Variants in SPTAN1 observed in about 807,000 individuals in gnomAD.
SPTAN1 encodes spectrin alpha, non-erythrocytic 1.
SPTAN1 carries 61 observed loss-of-function variants against 331.3 expected under a neutral mutation model. That is an observed-to-expected ratio of 0.18 (90% CI 0.15 to 0.23). The LOEUF is 0.23. SPTAN1 is among the 10% of genes least tolerant of loss of function. The probability of loss-of-function intolerance (pLI) is 1.00; values close to 1 mark genes in which losing one functional copy is unlikely to be tolerated. For synonymous variants in SPTAN1, 1,153 were observed against 1,173.9 expected, an observed-to-expected ratio of 0.98 and a Z score of 0.36; for missense variants, 2,043 against 3,147.9, an observed-to-expected ratio of 0.65 and a Z score of 8.40.
intron 27 of SPTAN1, among the ~76,000 whole-genome samples, chr9:128,600,926 G>T (rs1380800876): frequency 2.8e-5 from 4 of 141,784 alleles, no homozygotes; most frequent in African/African-American, 1.0e-4. Context: ...GCCTTCCAAA[G>T]TGTTGGGATT....
At chr9:128,633,154 G>A (rs1860093367) in intron 56 of SPTAN1, 55 bp from the exon 57 acceptor site, 7 of 1,612,802 alleles carry the variant, frequency 4.3e-6, no homozygotes, top group East Asian at 2.2e-5. Flanking sequence ...TGGGAGGTCG[G>A]GTTTGAAGTG....
chr9:128,567,454 G>C (rs533390578), intron 2 of SPTAN1, among the ~76,000 whole-genome samples: 1 of 152,234 alleles, frequency 6.6e-6, no homozygotes, highest in South Asian at 2.1e-4. Context: ...ACTGTGCCCA[G>C]CTAATTTTTG....
intron 15 of SPTAN1, 123 bp from the exon 16 acceptor site, chr9:128,583,665 A>T: frequency 1.9e-6 from 2 of 1,045,384 alleles, no homozygotes; most frequent in Non-Finnish European, 1.4e-6. Flanking sequence ...TCTCTTTGTG[A>T]CATAAGTGAA....
chr9:128,586,735 T>C (rs1488163744), intron 19 of SPTAN1, among the ~76,000 whole-genome samples: 3 of 152,186 alleles, frequency 2.0e-5, no homozygotes, highest in African/African-American at 7.2e-5. Context: ...AATTCTCAAA[T>C]TTTATTCATA....
intron 38 of SPTAN1, 38 bp from the exon 39 acceptor site, chr9:128,612,071 T>G: frequency 6.2e-7 from 1 of 1,614,052 alleles, no homozygotes. Flanking sequence ...CGATTCTTCA[T>G]AGATTTCATC....
chr9:128,570,422 C>T lies in SPTAN1; in HGVS notation c.363+1525C>T, dbSNP rs1463981445. 2.7e-5 allele frequency among the ~76,000 whole-genome samples: 4 copies of T among 149,144 alleles called. No homozygotes were observed. The Admixed American group carries it at 2.7e-4, about 10-fold the overall frequency. On this transcript the variant is annotated intron_variant, in intron 3 of 56. Coordinates refer to ENST00000372739, the MANE Select transcript of SPTAN1 (RefSeq NM_001130438.3). ...GCAAGATCTCAGCTCACTGCAACCT[C>T]CACCTCCTGGGTTCAAGCAATTCTC...
Position 128,577,521 on chromosome 9 carries a change from C to G in SPTAN1, c.1085+15C>G. On this transcript the variant is annotated intron_variant, in intron 8 of 56. Transcript: ENST00000372739. This position sits in a 1 kb window ranked among gnomAD's most constrained non-coding sequence, Gnocchi z 4.2. ...GATTCATACAGGTGCAAATAATGCT[C>G]CAGGTCTTAACCAGTATCATTTGGC... The G allele has an allele frequency of 1.9e-6, 3 of 1,613,052 alleles. No homozygotes were observed. The highest frequency in any genetic ancestry group is 2.5e-6 in the Non-Finnish European group (3 of 1,180,034).
At position 128,605,443 on chromosome 9, in the gene SPTAN1, TCCCACGAC is replaced by T; in HGVS notation, c.4014_4021del (p.His1339AlafsTer5). ...TCAGCGCAAGGCAAAGTTGGGTGAC[TCCCACGAC>T]CTGCAGCGCTTCCTTAGCGATTTCC... On this transcript the variant is annotated frameshift_variant, in exon 31 of 57. Transcript: ENST00000372739. LOFTEE classifies it high-confidence loss of function. 1 of 1,614,124 alleles carries T rather than the reference TCCCACGAC, an allele frequency of 6.2e-7. No homozygotes were observed. Among genetic ancestry groups the T allele is most frequent in the Non-Finnish European group, 8.5e-7 (1 of 1,180,032 alleles).
Position 128,624,453 on chromosome 9 carries a change from C to A in SPTAN1, c.5958C>A (p.Phe1986Leu). The part of the protein sequence containing the change: ...KLDENSAFLQ[F>L]NWKADVVESW... ...ATGAGAACTCGGCCTTCCTTCAGTT[C>A]AACTGGAAGGCGGACGTGGTGGAGT... is the stretch of plus-strand genomic sequence containing the variant. Residue 1986 changes from phenylalanine to leucine, a missense_variant, in exon 46 of 57, where the codon TTC becomes TTA. Physicochemically the swap from Phe to Leu is conservative, Grantham distance 22. Coordinates refer to ENST00000372739, the MANE Select transcript of SPTAN1 (RefSeq NM_001130438.3). 6.2e-7 allele frequency: 1 copy of A among 1,613,812 alleles called. No individual in the cohort carries two copies. Among genetic ancestry groups the A allele is most frequent in the South Asian group, 1.1e-5 (1 of 91,064 alleles).
At chr9:128,588,547 G>A (rs1852986821) in intron 20 of SPTAN1, among the ~76,000 whole-genome samples, 1 of 151,696 alleles carries the variant, frequency 6.6e-6, no homozygotes, top group Admixed American at 6.6e-5. Context: ...CCGACCTCAG[G>A]TGATCTGCCT....
intron 1 of SPTAN1, among the ~76,000 whole-genome samples, chr9:128,565,745 A>G (rs896787416): frequency 2.6e-5 from 4 of 152,208 alleles, no homozygotes; most frequent in Non-Finnish European, 4.4e-5. Context: ...GAACTCCCAG[A>G]TGTTTCCAGG....
Position 128,632,678 on chromosome 9 carries a change from C to T in SPTAN1, c.7120C>T (p.Pro2374Ser), listed in dbSNP as rs1238361056. ...LPMVEEGEPD[P>S]EFEAILDTVD... ...CATGGTGGAGGAAGGGGAACCTGAC[C>T]CTGAGTTCGAGGCAATCCTGGACAC... Residue 2374 changes from proline (P) to serine (S), a missense_variant, in exon 55 of 57, where the codon CCT (proline) becomes TCT (serine). Pro to Ser is a moderately conservative substitution (Grantham distance 74). This residue lies in a region of SPTAN1 where 58 missense variants were observed against 74.0 expected (regional missense o/e 0.78). Transcript: ENST00000372739. 6.2e-7 allele frequency: 1 copy of T among 1,613,982 alleles called. No homozygotes were observed. Among genetic ancestry groups the T allele is most frequent in the South Asian group, 1.1e-5 (1 of 91,084 alleles).
Position 128,577,155 on chromosome 9 carries a change from T to G in SPTAN1, c.812T>G (p.Ile271Ser). The G allele has an allele frequency of 6.2e-7, 1 of 1,614,062 alleles. No individual in the cohort carries two copies. The highest frequency in any genetic ancestry group is 1.1e-5 in the South Asian group (1 of 91,088). Reference protein sequence around the residue: ...NRDVDETISWIKEKEQLMASD... With the variant: ...NRDVDETISWSKEKEQLMASD... ...GATGTGGATGAGACTATCAGTTGGA[T>G]TAAGGAAAAGGAGCAGTTAATGGCC... The change falls in exon 7 of 57, where the codon ATT becomes AGT. Residue 271 changes from isoleucine to serine, a missense_variant. Transcript: ENST00000372739. This position sits in a 1 kb window ranked among gnomAD's most constrained non-coding sequence, Gnocchi z 4.2.
rs770141127 is a variant in SPTAN1, at chr9:128,583,060, CCTT to C, written c.1807-13_1807-11del. On this transcript the variant is annotated splice_polypyrimidine_tract_variant and intron_variant, in intron 14 of 56. Coordinates refer to ENST00000372739, the MANE Select transcript of SPTAN1 (RefSeq NM_001130438.3). Reference sequence around the variant, plus strand: ...CTCAGGTTCAAGATAGAAAGAACCCCCTTCTTTTATTCACAGGATCCATCCAAC... The same window carrying C: ...CTCAGGTTCAAGATAGAAAGAACCCCCTTTTATTCACAGGATCCATCCAAC... The C allele has an allele frequency of 7.4e-6, 12 of 1,612,532 alleles. No individual in the cohort carries two copies. The highest frequency in any genetic ancestry group is 1.7e-4 in the Middle Eastern group (1 of 6,006).
At position 128,626,648 on chromosome 9, in the gene SPTAN1, C is replaced by G. The variant is rs1858790078; in HGVS notation, c.6537C>G (p.Ala2179=). Residue 2179 remains alanine, a synonymous_variant, in exon 49 of 57, where the codon GCC becomes GCG. Coordinates refer to ENST00000372739, the MANE Select transcript of SPTAN1 (RefSeq NM_001130438.3). ...CCTACACCTGGTTTACCATGGAGGCCCTGGAGGAGACCTGGAGGAACCTAC... is the reference window on the plus strand; with the variant it reads ...CCTACACCTGGTTTACCATGGAGGCGCTGGAGGAGACCTGGAGGAACCTAC... ...SNPYTWFTME[A]LEETWRNLQK... The G allele has an allele frequency of 6.2e-7, 1 of 1,613,188 alleles. No individual in the cohort carries two copies. Among genetic ancestry groups the G allele is most frequent in the Non-Finnish European group, 8.5e-7 (1 of 1,179,754 alleles).
At chr9:128,592,853 G>C (rs902140520) in intron 22 of SPTAN1, 130 bp from the exon 23 acceptor site, 1 of 859,742 alleles carries the variant, frequency 1.2e-6, no homozygotes, top group African/African-American at 1.7e-5. Context: ...CCTTAGACCT[G>C]TTGAATAACT....
Position 128,586,032 on chromosome 9 carries a change from T to G in SPTAN1, c.2778+67T>G, listed in dbSNP as rs1852566452. On this transcript the variant is annotated intron_variant, in intron 19 of 56. Coordinates refer to ENST00000372739, the MANE Select transcript of SPTAN1 (RefSeq NM_001130438.3). Reference sequence around the variant, plus strand: ...AACAGGGCTTGTACTGAGAAGGAAGTTAGGAGAAGTAGTGATGCGCGGGAG... The same window carrying G: ...AACAGGGCTTGTACTGAGAAGGAAGGTAGGAGAAGTAGTGATGCGCGGGAG... 8.3e-6 allele frequency: 12 copies of G among 1,443,622 alleles called. No homozygotes were observed. The South Asian group carries it at 1.4e-4, about 17-fold the overall frequency. 89.4% of individuals were successfully genotyped at this position (1,443,622 alleles called of 1,614,324 possible). A position where few individuals can be genotyped will look rare whatever the true frequency, so the allele number is the denominator to read the frequency against.
intron 21 of SPTAN1, among the ~76,000 whole-genome samples, chr9:128,590,678 C>T (rs1008632527): frequency 7.3e-5 from 11 of 151,640 alleles, no homozygotes; most frequent in Non-Finnish European, 1.6e-4. Context: ...GGTGAAACCC[C>T]GTCTCTACTA....
intron 1 of SPTAN1, among the ~76,000 whole-genome samples, chr9:128,557,117 T>C (rs1324806142): frequency 6.6e-6 from 1 of 152,232 alleles, no homozygotes; most frequent in Non-Finnish European, 1.5e-5. Flanking sequence ...TGGGTGATGT[T>C]TATGAATTTT....
Sources: gnomAD v4.1 joint callset for allele counts (sites outside exome capture counted in the v4.1 genomes callset) on GRCh38, gnomAD v4.1.1 for gene constraint, gnomAD v4.1.1 regional missense constraint, Gnocchi (gnomAD v3.1) non-coding constraint, MANE v1.5 for transcripts, NCBI Gene and HGNC (gene_info 2026-07-23, HGNC 2026-07-21) for gene names.